Variants in PRKX observed in about 807,000 individuals in gnomAD.
PRKX encodes cAMP-dependent protein kinase catalytic subunit PRKX.
A neutral mutation model predicts 22.0 loss-of-function variants in PRKX; 12 were observed. The ratio of observed to expected loss-of-function variants is 0.54; its 90% CI spans 0.35 to 0.88. PRKX has a LOEUF of 0.88. Among genes scored for constraint, PRKX ranks in the 40% least tolerant of loss-of-function variants. The probability of loss-of-function intolerance (pLI) is 0.01; values close to 1 mark genes in which losing one functional copy is unlikely to be tolerated. For synonymous variants in PRKX, 134 were observed against 137.7 expected (o/e 0.97, Z 0.19); for missense variants, 217 against 308.0 (o/e 0.70, Z 2.21).
intron 1 of PRKX, among the ~76,000 whole-genome samples, chrX:3,676,993 C>T (rs1326040841): frequency 8.9e-6 from 1 of 111,849 alleles, no homozygotes; most frequent in African/African-American, 3.3e-5. Context: ...AACCTCTTTC[C>T]TTTATAAATT....
intron 2 of PRKX, among the ~76,000 whole-genome samples, chrX:3,672,362 G>A (rs1367085856): frequency 3.6e-5 from 4 of 111,710 alleles, no homozygotes; most frequent in South Asian, 3.7e-4. Flanking sequence ...CAGAATCCAC[G>A]TCCCTGCAGG....
intron 1 of PRKX, among the ~76,000 whole-genome samples, chrX:3,681,473 G>C (rs1159270955): frequency 9.2e-6 from 1 of 108,765 alleles, no homozygotes; most frequent in Non-Finnish European, 1.9e-5. Context: ...ACAACACAGT[G>C]AGACCCCAGC....
chrX:3,625,635 G>A (rs746486962), intron 5 of PRKX, among the ~76,000 whole-genome samples: 1 of 110,711 alleles, frequency 9.0e-6, no homozygotes, highest in African/African-American at 3.3e-5. Flanking sequence ...GTAGTGGTGC[G>A]ATCTCAGCTC....
intron 2 of PRKX, among the ~76,000 whole-genome samples, chrX:3,658,981 T>C (rs564704833): frequency 9.0e-6 from 1 of 111,482 alleles, no homozygotes; most frequent in South Asian, 3.8e-4. Context: ...AGAAAAATCA[T>C]AGGCTGGGCA....
At chrX:3,678,496 C>T (rs917731648) in intron 1 of PRKX, among the ~76,000 whole-genome samples, 3 of 112,031 alleles carry the variant, frequency 2.7e-5, no homozygotes, top group African/African-American at 6.5e-5. Context: ...ATTTTTTACA[C>T]TTCTGTGACT....
At chrX:3,665,008 T>A (rs747317337) in intron 2 of PRKX, among the ~76,000 whole-genome samples, 1 of 112,298 alleles carries the variant, frequency 8.9e-6, no homozygotes, top group East Asian at 2.8e-4. Flanking sequence ...CTCCTCAAAA[T>A]ACCCCAGAGG....
At chrX:3,643,959 T>C (rs1927135407) in intron 3 of PRKX, among the ~76,000 whole-genome samples, 1 of 109,908 alleles carries the variant, frequency 9.1e-6, no homozygotes, top group African/African-American at 3.3e-5. Context: ...TTGTTACTGT[T>C]ATCTTTCCTT....
intron 1 of PRKX, among the ~76,000 whole-genome samples, chrX:3,680,076 C>T (rs1229392860): frequency 1.8e-5 from 2 of 110,989 alleles, no homozygotes; most frequent in Non-Finnish European, 3.8e-5. Flanking sequence ...CTCCCCTACC[C>T]TATCCATCCT....
At chrX:3,657,372 A>G (rs1459896779) in intron 2 of PRKX, among the ~76,000 whole-genome samples, 1 of 111,272 alleles carries the variant, frequency 9.0e-6, no homozygotes, top group Non-Finnish European at 1.9e-5. Flanking sequence ...GAGGACACAG[A>G]CACACACAGA....
intron 2 of PRKX, among the ~76,000 whole-genome samples, chrX:3,663,856 A>G (rs1378516668): frequency 9.0e-6 from 1 of 110,917 alleles, no homozygotes; most frequent in Non-Finnish European, 1.9e-5. Flanking sequence ...AGGCTCAGAG[A>G]GTGGTCAAGT....
At chrX:3,659,317 A>T (rs993021009) in intron 2 of PRKX, among the ~76,000 whole-genome samples, 10 of 111,566 alleles carry the variant, frequency 9.0e-5, no homozygotes, top group Non-Finnish European at 1.5e-4. Flanking sequence ...CATTTATTTG[A>T]CTAATCACAA....
At chrX:3,614,738 A>G (rs1926381381) in intron 7 of PRKX, among the ~76,000 whole-genome samples, 1 of 111,549 alleles carries the variant, frequency 9.0e-6, no homozygotes, top group Admixed American at 9.6e-5. Flanking sequence ...AGAGTTAACA[A>G]TATATTGTAT....
intron 1 of PRKX, among the ~76,000 whole-genome samples, chrX:3,709,210 C>T (rs1283010758): frequency 1.2e-4 from 11 of 95,491 alleles, no homozygotes; most frequent in African/African-American, 1.7e-4. Flanking sequence ...AAAAGCTGAA[C>T]GAGGTATGTG....
chrX:3,656,956 G>A (rs769127866), intron 2 of PRKX, among the ~76,000 whole-genome samples: 1 of 111,948 alleles, frequency 8.9e-6, no homozygotes, highest in African/African-American at 3.2e-5. Flanking sequence ...CATGGACCAA[G>A]GGGAAACGGG....
intron 3 of PRKX, among the ~76,000 whole-genome samples, chrX:3,648,882 T>G (rs778881557): frequency 3.0e-4 from 33 of 109,640 alleles, no homozygotes; most frequent in Non-Finnish European, 5.3e-4. Context: ...AGTTCAAGAC[T>G]ATCCTGGCCA....
rs1229399922 is a variant in PRKX, at chrX:3,713,566, C to G, written c.-313G>C. On this transcript the variant is annotated 5_prime_UTR_variant, in exon 1 of 9. Coordinates refer to ENST00000262848, the MANE Select transcript of PRKX (RefSeq NM_005044.5). Reference sequence around the variant, plus strand: ...CGGGCTGGGGGGGGCGAGGCGGGGGCCCTGCGCATTCCGGGTCTCGCGCCC... The same window carrying G: ...CGGGCTGGGGGGGGCGAGGCGGGGGGCCTGCGCATTCCGGGTCTCGCGCCC... 2 of 177,418 alleles carry G rather than the reference C, an allele frequency of 1.1e-5. No homozygotes were observed. The highest frequency in any genetic ancestry group is 2.1e-5 in the Non-Finnish European group (2 of 94,983). 14.6% of individuals were successfully genotyped at this position (177,418 alleles called of 1,213,427 possible).
chrX:3,639,634 A>G (rs1429476062), intron 4 of PRKX, among the ~76,000 whole-genome samples: 1 of 108,579 alleles, frequency 9.2e-6, no homozygotes, highest in African/African-American at 3.4e-5. Flanking sequence ...GGGTAGATGG[A>G]TGGATGGATG....
At chrX:3,638,668 G>A (rs751810072) in intron 4 of PRKX, among the ~76,000 whole-genome samples, 13 of 111,387 alleles carry the variant, frequency 1.2e-4, no homozygotes, top group African/African-American at 2.6e-4. Context: ...CCAACAGGCC[G>A]GTAGGTAGGT....
chrX:3,630,255 A>C (rs12399536), intron 4 of PRKX, among the ~76,000 whole-genome samples: 7,852 of 112,375 alleles, frequency 0.07, 254 homozygotes, highest in Non-Finnish European at 0.1. Flanking sequence ...GAGACTGGGT[A>C]ATTTATAAAG....
Sources: allele counts gnomAD v4.1 joint callset (sites outside exome capture counted in the v4.1 genomes callset), GRCh38; gene constraint gnomAD v4.1.1; transcripts MANE v1.5; gene names NCBI Gene and HGNC (gene_info 2026-07-23, HGNC 2026-07-21).